Variants in TCF12 observed in about 807,000 individuals in gnomAD.
TCF12 encodes the protein DNA-binding protein HTF4.
TCF12 carries 45 observed loss-of-function variants against 86.0 expected under a neutral mutation model. The ratio of observed to expected loss-of-function variants is 0.52; its 90% confidence interval spans 0.41 to 0.67. The LOEUF (loss-of-function observed/expected upper bound fraction) is 0.67, where lower values mean the gene tolerates loss of function less well. Among genes scored for constraint, TCF12 ranks in the 30% least tolerant of loss-of-function variants. The pLI, the probability that TCF12 is intolerant of heterozygous loss-of-function variation, is 0.00. For missense variants in TCF12, 881 were observed against 859.9 expected (o/e 1.02, Z -0.31); for synonymous variants, 330 against 299.6 (o/e 1.10, Z -1.05).
At chr15:56,951,259 T>A (rs1258458135) in intron 3 of TCF12, among the ~76,000 whole-genome samples, 1 of 152,246 alleles carries the variant, frequency 6.6e-6, no homozygotes, top group South Asian at 2.1e-4. Flanking sequence ...TCTGCAGTGC[T>A]GTCTCACTGT....
intron 3 of TCF12, among the ~76,000 whole-genome samples, chr15:56,971,777 G>T (rs2062342184): frequency 6.6e-6 from 1 of 152,166 alleles, no homozygotes; most frequent in Non-Finnish European, 1.5e-5. Flanking sequence ...CTTATCTGTA[G>T]TTTCACTTTC....
At position 56,976,067 on chromosome 15, in the gene TCF12, CTCTT is replaced by C. The variant is rs768459161; in HGVS notation, c.148+54971_148+54974del. On this transcript the variant is annotated intron_variant, in intron 3 of 20. Transcript: ENST00000333725. ...GTTTAAATGGATGAGTTCATAATGA[CTCTT>C]TATAAGATCACTAGTTACACTGGTG... Among the ~76,000 whole-genome samples the C allele has an allele frequency of 3.3e-5, 5 of 152,062 alleles. No individual in the cohort carries two copies. The South Asian group carries it at 1.0e-3, about 32-fold the overall frequency.
At chr15:56,926,429 C>G (rs2060019147) in intron 3 of TCF12, among the ~76,000 whole-genome samples, 1 of 152,008 alleles carries the variant, frequency 6.6e-6, no homozygotes, top group Admixed American at 6.6e-5. Context: ...TAAATTGAGT[C>G]CATAAGAAAG....
chr15:57,258,352 A>T (rs1277902711), intron 16 of TCF12, among the ~76,000 whole-genome samples: 7 of 152,218 alleles, frequency 4.6e-5, no homozygotes, highest in Admixed American at 4.6e-4. Flanking sequence ...AAAGTTAGCG[A>T]CATCCCATTG....
At chr15:56,919,639 G>A (rs1234308349) in intron 1 of TCF12, 5 of 313,418 alleles carry the variant, frequency 1.6e-5, no homozygotes, top group Non-Finnish European at 3.0e-5. Flanking sequence ...GAAACTTGGG[G>A]GAGAGGCGGC....
Position 57,231,198 on chromosome 15 carries a change from C to T in TCF12, c.626C>T (p.Pro209Leu), listed in dbSNP as rs1373992183. Residue 209 changes from proline to leucine, a missense_variant, in exon 9 of 21, where the codon CCT (proline) becomes CTT (leucine). Pro to Leu is a moderately conservative substitution (Grantham distance 98). Transcript: ENST00000333725. ...TCAGATGATTTCAACCGTGAATCTC[C>T]TAGTTATCCATCTCCTAAGCCACCA... ...PNSDDFNRES[P>L]SYPSPKPPTS... 3 of 1,613,082 alleles carry T rather than the reference C, an allele frequency of 1.9e-6. No individual in the cohort carries two copies. The Admixed American group carries it at 5.0e-5, about 27-fold the overall frequency.
intron 3 of TCF12, among the ~76,000 whole-genome samples, chr15:57,058,792 C>G (rs551660687): frequency 5.9e-5 from 9 of 152,258 alleles, no homozygotes; most frequent in African/African-American, 2.2e-4. Context: ...TATATTCTAA[C>G]TGATCCTATT....
chr15:57,290,386 G>A (rs2062059154), downstream of TCF12, among the ~76,000 whole-genome samples: 1 of 150,924 alleles, frequency 6.6e-6, no homozygotes, highest in African/African-American at 2.4e-5. Flanking sequence ...GCTTTGCCCA[G>A]TCACACTGTG....
chr15:57,073,004 A>C (rs1190512581), intron 4 of TCF12, among the ~76,000 whole-genome samples: 3 of 152,238 alleles, frequency 2.0e-5, no homozygotes, highest in Non-Finnish European at 4.4e-5. Context: ...AAAGTGAAAG[A>C]AAGCACATAC....
At chr15:57,092,740 C>G (rs142874826) in intron 5 of TCF12, among the ~76,000 whole-genome samples, 26 of 152,112 alleles carry the variant, frequency 1.7e-4, no homozygotes, top group Non-Finnish European at 2.9e-4. Context: ...CCAGTTATAA[C>G]TGTTTTTACC....
chr15:57,075,459 T>C (rs1284298992), intron 4 of TCF12, among the ~76,000 whole-genome samples: 1 of 152,124 alleles, frequency 6.6e-6, no homozygotes, highest in Admixed American at 6.6e-5. Context: ...AAATTAGTTG[T>C]GGAAAACAAA....
At chr15:57,243,312 G>C (rs1566973562) in intron 12 of TCF12, among the ~76,000 whole-genome samples, 160 bp from the exon 13 acceptor site, 1 of 151,812 alleles carries the variant, frequency 6.6e-6, no homozygotes, top group Non-Finnish European at 1.5e-5. Context: ...TTAAACTGAG[G>C]CTTCTGTATG....
intron 20 of TCF12, among the ~76,000 whole-genome samples, chr15:57,283,779 T>C (rs2061806752): frequency 6.6e-6 from 1 of 152,202 alleles, no homozygotes; most frequent in Non-Finnish European, 1.5e-5. Context: ...ACTACAAATA[T>C]TAGTAACTCA....
At chr15:57,113,066 C>CCTTA in intron 5 of TCF12, among the ~76,000 whole-genome samples, 1 of 152,314 alleles carries the variant, frequency 6.6e-6, no homozygotes. Context: ...CCTCTAGGCT[C>CCTTA]CTTAGTATGG....
At chr15:56,969,104 GA>G (rs1326442753) in intron 3 of TCF12, among the ~76,000 whole-genome samples, 1 of 152,198 alleles carries the variant, frequency 6.6e-6, no homozygotes, top group Non-Finnish European at 1.5e-5. Context: ...TGTCAACAAG[GA>G]ATTTCCTTGT....
intron 6 of TCF12, 48 bp from the exon 7 acceptor site, chr15:57,192,110 G>A (rs1465957680): frequency 6.2e-7 from 1 of 1,600,548 alleles, no homozygotes; most frequent in African/African-American, 1.3e-5. Flanking sequence ...TCAGGTTTGG[G>A]TCAGTATCAG....
chr15:57,026,661 C>T (rs1158095382), intron 3 of TCF12, among the ~76,000 whole-genome samples: 2 of 152,106 alleles, frequency 1.3e-5, no homozygotes, highest in East Asian at 1.9e-4. Flanking sequence ...TTATCCAGTA[C>T]AGTATTTCAT....
At chr15:56,956,367 A>G (rs2061504902) in intron 3 of TCF12, among the ~76,000 whole-genome samples, 1 of 151,952 alleles carries the variant, frequency 6.6e-6, no homozygotes, top group African/African-American at 2.4e-5. Context: ...CTTATTAGAT[A>G]TAACTTGTTA....
chr15:57,266,478 C>T (rs2060877340), intron 18 of TCF12, among the ~76,000 whole-genome samples: 1 of 152,090 alleles, frequency 6.6e-6, no homozygotes, highest in Non-Finnish European at 1.5e-5. Flanking sequence ...AGAATAGTTG[C>T]CACAGAGACT....
Sources: allele counts gnomAD v4.1 joint callset (sites outside exome capture counted in the v4.1 genomes callset), GRCh38; gene constraint gnomAD v4.1.1; transcripts MANE v1.5; gene names NCBI Gene and HGNC (gene_info 2026-07-23, HGNC 2026-07-21).